Variants in FER1L5 observed in about 807,000 individuals in gnomAD.
FER1L5 encodes the protein fer-1-like protein 5.
A neutral mutation model predicts 279.9 loss-of-function variants in FER1L5; 187 were observed. The observed-to-expected ratio is 0.67, with a 90% CI of 0.59 to 0.75. The LOEUF (loss-of-function observed/expected upper bound fraction) is 0.75, where lower values mean the gene tolerates loss of function less well. Ranked by LOEUF, FER1L5 falls within the 30% of genes least tolerant of loss-of-function variation. The pLI is 0.00. For missense variants in FER1L5, 2,091 were observed against 2,594.4 expected (o/e 0.81, Z 4.21); for synonymous variants, 921 against 989.7 (o/e 0.93, Z 1.30).
chr2:96,651,279 C>A (rs960750715), intron 6 of FER1L5, among the ~76,000 whole-genome samples: 13 of 148,302 alleles, frequency 8.8e-5, no homozygotes, highest in Non-Finnish European at 1.9e-4. Flanking sequence ...TTCTTTCTTT[C>A]TTTCTTTCTT....
intron 39 of FER1L5, 61 bp downstream of exon 39, chr2:96,697,822 C>G: frequency 6.3e-7 from 1 of 1,578,228 alleles, no homozygotes. Flanking sequence ...GCCAGCAGAG[C>G]TAGCCTTGAT....
In FER1L5 at chr2:96,695,466, C is replaced by T. The variant is rs768616679; in HGVS notation, c.3742-43C>T. ...TCTGGCCAGGACCCCATTACAGAGG[C>T]GCTGCCTGCCCCTTGTCCTGCCCTC... On this transcript the variant is annotated intron_variant, in intron 34 of 52. Transcript: ENST00000624922. The T allele has an allele frequency of 4.3e-5, 66 of 1,529,966 alleles. 1 individual carries two copies. Among genetic ancestry groups the T allele is most frequent in the South Asian group, 8.7e-5 (7 of 80,406 alleles). 94.8% of individuals were successfully genotyped at this position (1,529,966 alleles called of 1,614,324 possible). A position where few individuals can be genotyped will look rare whatever the true frequency, so the allele number is the denominator to read the frequency against.
chr2:96,661,986 C>A (rs759160137), intron 12 of FER1L5, among the ~76,000 whole-genome samples, 195 bp downstream of exon 12: 8 of 152,144 alleles, frequency 5.3e-5, no homozygotes, highest in Non-Finnish European at 8.8e-5. Flanking sequence ...GGGTCTCACA[C>A]CCCCAGCCTG....
intron 20 of FER1L5, 139 bp from the exon 21 acceptor site, chr2:96,685,190 T>C: frequency 1.4e-6 from 1 of 710,460 alleles, no homozygotes; most frequent in Non-Finnish European, 2.4e-6. Context: ...TGGACAACCT[T>C]GAACTGATAT....
chr2:96,657,277 G>A (rs1478532240), intron 9 of FER1L5, among the ~76,000 whole-genome samples: 1 of 151,746 alleles, frequency 6.6e-6, no homozygotes, highest in Non-Finnish European at 1.5e-5. Flanking sequence ...GTTTCACCAT[G>A]TCGGCCAGGC....
intron 9 of FER1L5, chr2:96,654,898 CAA>C (rs761973265): frequency 1.7e-4 from 9 of 53,178 alleles, no homozygotes; most frequent in Non-Finnish European, 1.3e-4. Context: ...GACTCCATCT[CAA>C]AAAAAAAAAA....
chr2:96,686,355 G>A lies in FER1L5; in HGVS notation c.2229+5G>A, dbSNP rs1201074740. 5 of 1,549,782 alleles carry A rather than the reference G, an allele frequency of 3.2e-6. No individual in the cohort carries two copies. Among genetic ancestry groups the A allele is most frequent in the African/African-American group, 1.4e-5 (1 of 73,056 alleles). ...ATACAGACACTCTTCCTACAGGTGG[G>A]AATCAGGGACTCCTCAGGGGAGGAC... is the stretch of plus-strand genomic sequence containing the variant. On this transcript the variant is annotated splice_donor_5th_base_variant and intron_variant, in intron 23 of 52. Transcript: ENST00000624922.
intron 19 of FER1L5, among the ~76,000 whole-genome samples, chr2:96,683,496 A>C (rs954433685): frequency 1.3e-5 from 2 of 150,838 alleles, no homozygotes. Flanking sequence ...TACATCTGCA[A>C]AGCCCCCACC....
At chr2:96,684,296 C>T in intron 19 of FER1L5, 31 bp from the exon 20 acceptor site, 1 of 1,545,724 alleles carries the variant, frequency 6.5e-7, no homozygotes, top group Non-Finnish European at 8.8e-7. Context: ...CCCCCAGACA[C>T]CCCATCCCTC....
At chr2:96,668,676 C>T in intron 14 of FER1L5, 75 bp from the exon 15 acceptor site, 2 of 1,521,232 alleles carry the variant, frequency 1.3e-6, no homozygotes, top group Non-Finnish European at 1.8e-6. Context: ...CGACTCCCTA[C>T]CTGTTCTTAA....
chr2:96,643,021 G>T, intron 1 of FER1L5, 100 bp downstream of exon 1: 1 of 999,678 alleles, frequency 1.0e-6, no homozygotes, highest in East Asian at 2.9e-5. Context: ...CATAAAAGAT[G>T]CCCTGTGTAA....
chr2:96,698,185 C>T lies in FER1L5; in HGVS notation c.4356+29C>T. The T allele has an allele frequency of 6.5e-7, 1 of 1,546,628 alleles. No individual in the cohort carries two copies. The highest frequency in any genetic ancestry group is 8.7e-7 in the Non-Finnish European group (1 of 1,144,194). On this transcript the variant is annotated intron_variant, in intron 40 of 52. Transcript: ENST00000624922. This position sits in a 1 kb window ranked among gnomAD's most constrained non-coding sequence, Gnocchi z 5.5. ...TGTGTCCACCCCAGCTTAGCTGCCCCTGTCTCCTTGTGCACCTTCTGTCCC... is the reference window on the plus strand; with the variant it reads ...TGTGTCCACCCCAGCTTAGCTGCCCTTGTCTCCTTGTGCACCTTCTGTCCC...
chr2:96,663,538 C>G (rs2076024588), intron 14 of FER1L5, 31 bp downstream of exon 14: 1 of 1,547,410 alleles, frequency 6.5e-7, no homozygotes, highest in Non-Finnish European at 8.7e-7. Context: ...CCACCCTTCT[C>G]CCACATCCCC....
intron 31 of FER1L5, among the ~76,000 whole-genome samples, chr2:96,693,094 T>C (rs1459636023): frequency 6.6e-6 from 1 of 150,962 alleles, no homozygotes; most frequent in Non-Finnish European, 1.5e-5. Context: ...GAGGATTGCT[T>C]GAACCCAGGA....
intron 9 of FER1L5, among the ~76,000 whole-genome samples, chr2:96,656,873 C>T (rs558646380): frequency 2.6e-5 from 4 of 151,334 alleles, no homozygotes; most frequent in Admixed American, 2.6e-4. Flanking sequence ...ATTCCCCCAC[C>T]CCATTTCCCT....
rs752552754 is a variant in FER1L5, at chr2:96,689,296, C to A, written c.2445C>A (p.Asn815Lys). ...HCPNFSDVMG[N>K]KTLPMTDFQP... ...CCAACTTCTCGGATGTCATGGGGAA[C>A]AAGACCCTCCCCATGACGGATTTCC... The change falls in exon 25 of 53, where the codon AAC becomes AAA. Residue 815 changes from asparagine to lysine, a missense_variant. Coordinates refer to ENST00000624922, the MANE Select transcript of FER1L5 (RefSeq NM_001293083.2). The surrounding 1 kb of genome is among the most constrained non-coding windows in gnomAD (Gnocchi z 4.6). The A allele has an allele frequency of 9.9e-5, 153 of 1,550,254 alleles. No individual in the cohort carries two copies. Among genetic ancestry groups the A allele is most frequent in the Non-Finnish European group, 1.2e-4 (143 of 1,146,658 alleles).
chr2:96,703,442 C>A (rs977036185), intron 50 of FER1L5, 81 bp from the exon 51 acceptor site: 26 of 1,606,078 alleles, frequency 1.6e-5, no homozygotes, highest in Admixed American at 1.3e-4. Flanking sequence ...CTTTTCCTTT[C>A]TTGATCCCGG....
chr2:96,659,523 G>A (rs190211369), intron 9 of FER1L5, among the ~76,000 whole-genome samples: 19 of 118,504 alleles, frequency 1.6e-4, no homozygotes, highest in East Asian at 8.3e-4. Flanking sequence ...ACAGAGTCTC[G>A]CTCTGTCGCC....
Position 96,647,058 on chromosome 2 carries a change from C to A in FER1L5, c.139-6C>A. On this transcript the variant is annotated splice_polypyrimidine_tract_variant and splice_region_variant and intron_variant, in intron 2 of 52. Transcript: ENST00000624922. ...GAGGATGCTGACCTCTCTATGCCCC[C>A]CACAGACCCTAATCTGGCACCTCTG... is the stretch of plus-strand genomic sequence containing the variant. 1 of 1,551,532 alleles carries A rather than the reference C, an allele frequency of 6.4e-7. No individual in the cohort carries two copies.
Sources: gnomAD v4.1 joint callset for allele counts (sites outside exome capture counted in the v4.1 genomes callset) on GRCh38, gnomAD v4.1.1 for gene constraint, Gnocchi (gnomAD v3.1) non-coding constraint, MANE v1.5 for transcripts, NCBI Gene and HGNC (gene_info 2026-07-23, HGNC 2026-07-21) for gene names.